Variants in ZCCHC7 observed in about 807,000 individuals in gnomAD.
The protein encoded by ZCCHC7 is zinc finger CCHC domain-containing protein 7.
ZCCHC7 carries 35 observed loss-of-function variants against 52.0 expected under a neutral mutation model. The ratio of observed to expected loss-of-function variants is 0.67; its 90% confidence interval spans 0.51 to 0.89. The LOEUF is 0.89. ZCCHC7 is among the 40% of genes least tolerant of loss of function. ZCCHC7 has a pLI of 0.00. For missense variants in ZCCHC7, 574 were observed against 649.1 expected (o/e 0.88, Z 1.26); for synonymous variants, 217 against 221.5 (o/e 0.98, Z 0.18).
At chr9:37,356,772 T>C in intron 8 of ZCCHC7, 63 bp from the exon 9 acceptor site, 2 of 1,439,690 alleles carry the variant, frequency 1.4e-6, no homozygotes, top group Admixed American at 4.6e-5. Context: ...TATTTACACT[T>C]AGGAAAGCTC....
intron 2 of ZCCHC7, among the ~76,000 whole-genome samples, chr9:37,249,905 T>C (rs1826244894): frequency 6.6e-6 from 1 of 152,048 alleles, no homozygotes; most frequent in Non-Finnish European, 1.5e-5. Context: ...GTTTGCCAAA[T>C]TTTGTGCTGA....
At chr9:37,164,196 C>T (rs1204750395) in intron 2 of ZCCHC7, among the ~76,000 whole-genome samples, 1 of 152,028 alleles carries the variant, frequency 6.6e-6, no homozygotes, top group Non-Finnish European at 1.5e-5. Context: ...AATCCCAACA[C>T]TTTGGGAGGC....
intron 2 of ZCCHC7, among the ~76,000 whole-genome samples, chr9:37,154,695 A>G (rs1273639416): frequency 2.0e-5 from 3 of 151,012 alleles, no homozygotes; most frequent in Non-Finnish European, 3.0e-5. Flanking sequence ...AGGTTTTGCC[A>G]TGTTGCCCAG....
At chr9:37,335,643 A>G (rs1186638656) in intron 6 of ZCCHC7, among the ~76,000 whole-genome samples, 3 of 152,194 alleles carry the variant, frequency 2.0e-5, no homozygotes, top group Non-Finnish European at 2.9e-5. Context: ...AACTCAGGTT[A>G]TTATAATGTC....
At chr9:37,309,758 C>G (rs1829505846) in intron 5 of ZCCHC7, among the ~76,000 whole-genome samples, 1 of 152,134 alleles carries the variant, frequency 6.6e-6, no homozygotes, top group Non-Finnish European at 1.5e-5. Context: ...CCCATCCCTA[C>G]TAAAAGTACA....
chr9:37,324,108 A>G (rs1830151345), intron 5 of ZCCHC7, among the ~76,000 whole-genome samples: 1 of 152,200 alleles, frequency 6.6e-6, no homozygotes. Flanking sequence ...ATTCACTATC[A>G]ATGAATATTG....
chr9:37,333,500 A>G (rs1013164480), intron 6 of ZCCHC7, among the ~76,000 whole-genome samples: 6 of 151,694 alleles, frequency 4.0e-5, no homozygotes, highest in African/African-American at 1.4e-4. Context: ...TATGTCTCAC[A>G]TGGCCTTAAA....
At chr9:37,278,753 G>A (rs1827809423) in intron 2 of ZCCHC7, among the ~76,000 whole-genome samples, 1 of 152,168 alleles carries the variant, frequency 6.6e-6, no homozygotes, top group Non-Finnish European at 1.5e-5. Flanking sequence ...AAACAATGGA[G>A]GCCAAATGCA....
At chr9:37,338,357 A>G (rs183538924) in intron 6 of ZCCHC7, among the ~76,000 whole-genome samples, 1 of 152,212 alleles carries the variant, frequency 6.6e-6, no homozygotes, top group African/African-American at 2.4e-5. Context: ...ATTTATATCT[A>G]TTTACATTAC....
At chr9:37,190,141 G>A (rs1822942054) in intron 2 of ZCCHC7, among the ~76,000 whole-genome samples, 1 of 152,246 alleles carries the variant, frequency 6.6e-6, no homozygotes, top group Non-Finnish European at 1.5e-5. Context: ...AAAAAAATAA[G>A]CAAAAAGAAT....
intron 6 of ZCCHC7, 92 bp downstream of exon 6, chr9:37,327,926 T>C (rs1588677499): frequency 7.5e-7 from 1 of 1,339,834 alleles, no homozygotes; most frequent in East Asian, 2.3e-5. Flanking sequence ...AAGCATCTTC[T>C]GCTGGAAGAT....
At chr9:37,268,433 A>ATT (rs1189575446) in intron 2 of ZCCHC7, among the ~76,000 whole-genome samples, 1 of 145,126 alleles carries the variant, frequency 6.9e-6, no homozygotes, top group African/African-American at 2.5e-5. Flanking sequence ...CAAAATTTCT[A>ATT]TTTTTTTTTT....
chr9:37,141,455 T>A (rs931263672), intron 2 of ZCCHC7, among the ~76,000 whole-genome samples: 5 of 151,918 alleles, frequency 3.3e-5, no homozygotes, highest in African/African-American at 1.2e-4. Flanking sequence ...TTTGTTTTCT[T>A]AATAACAGAA....
chr9:37,297,813 T>C (rs943044330), intron 2 of ZCCHC7, among the ~76,000 whole-genome samples: 4 of 152,224 alleles, frequency 2.6e-5, no homozygotes, highest in Non-Finnish European at 4.4e-5. Flanking sequence ...TAACCAGCTC[T>C]GTAATTATCT....
intron 6 of ZCCHC7, among the ~76,000 whole-genome samples, chr9:37,347,966 T>A (rs957865580): frequency 3.3e-5 from 5 of 152,222 alleles, no homozygotes; most frequent in African/African-American, 1.2e-4. Context: ...TCTATGTCCA[T>A]TTCACAGGCT....
intron 2 of ZCCHC7, among the ~76,000 whole-genome samples, chr9:37,225,615 G>A (rs1048390043): frequency 6.6e-6 from 1 of 152,140 alleles, no homozygotes; most frequent in African/African-American, 2.4e-5. Context: ...TTCATTCTAG[G>A]AAGAAAGGTT....
At chr9:37,269,418 G>A (rs1827277421) in intron 2 of ZCCHC7, among the ~76,000 whole-genome samples, 1 of 151,936 alleles carries the variant, frequency 6.6e-6, no homozygotes, top group African/African-American at 2.4e-5. Flanking sequence ...GAGCCCAGGA[G>A]TTTAGCCTGG....
At chr9:37,133,151 C>CAA (rs138755864) in intron 2 of ZCCHC7, among the ~76,000 whole-genome samples, 92 of 152,160 alleles carry the variant, frequency 6.0e-4, no homozygotes, top group African/African-American at 2.1e-3. Context: ...AAAAAATTAA[C>CAA]AAAACAATCT....
chr9:37,250,831 T>C (rs998348943), intron 2 of ZCCHC7, among the ~76,000 whole-genome samples: 2 of 152,222 alleles, frequency 1.3e-5, no homozygotes, highest in African/African-American at 4.8e-5. Flanking sequence ...TGGCCTGATA[T>C]CAGGGCAGGA....
Sources: allele counts gnomAD v4.1 joint callset (sites outside exome capture counted in the v4.1 genomes callset), GRCh38; gene constraint gnomAD v4.1.1; transcripts MANE v1.5; gene names NCBI Gene and HGNC (gene_info 2026-07-23, HGNC 2026-07-21).